The following SH3PXD2A variants were observed in gnomAD, a reference collection of about 807,000 sequenced individuals.
The protein encoded by SH3PXD2A is SH3 and PX domain-containing protein 2A.
SH3PXD2A carries 32 observed loss-of-function variants against 115.2 expected under a neutral mutation model. That is an observed-to-expected ratio of 0.28 (90% CI 0.21 to 0.37). SH3PXD2A has a LOEUF of 0.37. Ranked by LOEUF, SH3PXD2A falls within the 10% of genes least tolerant of loss-of-function variation. The probability of loss-of-function intolerance (pLI) is 1.00; values close to 1 mark genes in which losing one functional copy is unlikely to be tolerated. For synonymous variants in SH3PXD2A, 610 were observed against 629.1 expected (o/e 0.97, Z 0.45); for missense variants, 1,328 against 1,498.7 (o/e 0.89, Z 1.88).
intron 2 of SH3PXD2A, among the ~76,000 whole-genome samples, chr10:103,769,434 TTTC>T (rs71476606): frequency 6.6e-4 from 92 of 139,894 alleles, no homozygotes; most frequent in Non-Finnish European, 1.0e-3. Context: ...TTTCTTTTTC[TTTC>T]TTCTTCTTCT....
In SH3PXD2A at chr10:103,811,167, AG is replaced by A. The variant is rs1380640092; in HGVS notation, c.73-9806del. On this transcript the variant is annotated intron_variant, in intron 1 of 14. Coordinates refer to ENST00000369774, the MANE Select transcript of SH3PXD2A (RefSeq NM_001394015.1). Reference sequence around the variant, plus strand: ...TTTTTCTTTTCTTCATGTTTCCTGGAGGGGAAATGAGTGTATAAACTAGGAA... The same window carrying A: ...TTTTTCTTTTCTTCATGTTTCCTGGAGGGAAATGAGTGTATAAACTAGGAA... Among the ~76,000 whole-genome samples, 3 of 152,088 alleles carry A rather than the reference AG, an allele frequency of 2.0e-5. No homozygotes were observed. In the East Asian group the frequency reaches 5.8e-4, roughly 29 times the overall value.
chr10:103,743,923 AG>A (rs2038470941), intron 3 of SH3PXD2A, among the ~76,000 whole-genome samples: 1 of 152,204 alleles, frequency 6.6e-6, no homozygotes, highest in African/African-American at 2.4e-5. Context: ...ACTCAATAAC[AG>A]GGTCTCGCTA....
intron 13 of SH3PXD2A, among the ~76,000 whole-genome samples, chr10:103,607,282 G>A (rs2036331215): frequency 1.3e-5 from 2 of 151,764 alleles, no homozygotes; most frequent in South Asian, 2.1e-4. Context: ...TGAGAAGTGA[G>A]GAGCCCCTCC....
intron 8 of SH3PXD2A, among the ~76,000 whole-genome samples, chr10:103,659,829 T>C (rs376410026): frequency 1.3e-5 from 2 of 152,132 alleles, no homozygotes; most frequent in East Asian, 1.9e-4. Context: ...GGCAGGAGCC[T>C]GCACCCACCT....
At chr10:103,656,561 G>A (rs1377528608) in intron 8 of SH3PXD2A, among the ~76,000 whole-genome samples, 3 of 152,204 alleles carry the variant, frequency 2.0e-5, no homozygotes, top group Non-Finnish European at 4.4e-5. Context: ...TGGGCGCGGT[G>A]GCTCATGCCT....
At chr10:103,667,093 C>T (rs926876714) in intron 7 of SH3PXD2A, among the ~76,000 whole-genome samples, 1 of 152,158 alleles carries the variant, frequency 6.6e-6, no homozygotes, top group African/African-American at 2.4e-5. Context: ...TTTCCTGTCT[C>T]ATATCTCAAA....
At chr10:103,663,875 C>T (rs1022617098) in intron 7 of SH3PXD2A, among the ~76,000 whole-genome samples, 2 of 152,262 alleles carry the variant, frequency 1.3e-5, no homozygotes, top group African/African-American at 4.8e-5. Context: ...GGACCCTGCA[C>T]AGCTGAGTGT....
At chr10:103,717,120 A>C (rs2038114251) in intron 5 of SH3PXD2A, among the ~76,000 whole-genome samples, 1 of 152,220 alleles carries the variant, frequency 6.6e-6, no homozygotes, top group South Asian at 2.1e-4. Context: ...AGGGCCTTGC[A>C]ACTTGCCTGA....
At chr10:103,827,888 T>C (rs1221829472) in intron 1 of SH3PXD2A, among the ~76,000 whole-genome samples, 1 of 152,212 alleles carries the variant, frequency 6.6e-6, no homozygotes, top group Non-Finnish European at 1.5e-5. Flanking sequence ...AGCCACTGGT[T>C]CCTCAGCTGT....
chr10:103,746,623 T>C lies in SH3PXD2A; in HGVS notation c.230-10815A>G, dbSNP rs958061389. Among the ~76,000 whole-genome samples the C allele has an allele frequency of 2.0e-5, 3 of 152,204 alleles. No individual in the cohort carries two copies. Among genetic ancestry groups the C allele is most frequent in the African/African-American group, 7.2e-5 (3 of 41,458 alleles). ...TGCGCCTGGCCTCAGAATAATATTC[T>C]CAAACCATAACCCTTGCTTAACCCT... On this transcript the variant is annotated intron_variant, in intron 3 of 14. Transcript: ENST00000369774. This position sits in a 1 kb window ranked among gnomAD's most constrained non-coding sequence, Gnocchi z 4.4.
At chr10:103,719,705 C>CT (rs771190727) in intron 5 of SH3PXD2A, among the ~76,000 whole-genome samples, 2,732 of 136,420 alleles carry the variant, frequency 0.02, 43 homozygotes, top group Non-Finnish European at 0.031. Flanking sequence ...ATTTCTTTTT[C>CT]TTTTTTTTTT....
intron 1 of SH3PXD2A, among the ~76,000 whole-genome samples, chr10:103,802,520 G>A (rs1420832154): frequency 6.6e-6 from 1 of 152,192 alleles, no homozygotes; most frequent in African/African-American, 2.4e-5. Context: ...GAGAAGGAGA[G>A]AAAGCCCCCA....
intron 6 of SH3PXD2A, chr10:103,678,206 G>A (rs2037565050): frequency 8.0e-7 from 1 of 1,253,530 alleles, no homozygotes; most frequent in Non-Finnish European, 1.0e-6. Context: ...GGTGTTTGCT[G>A]GGAGCCCCTG....
At chr10:103,645,339 C>T (rs574656137) in intron 8 of SH3PXD2A, among the ~76,000 whole-genome samples, 2 of 152,312 alleles carry the variant, frequency 1.3e-5, no homozygotes, top group Admixed American at 6.5e-5. Context: ...GGTGACTCAG[C>T]CTCTGGGCAA....
intron 8 of SH3PXD2A, among the ~76,000 whole-genome samples, chr10:103,660,679 C>T (rs1170799245): frequency 6.6e-6 from 1 of 152,232 alleles, no homozygotes; most frequent in Non-Finnish European, 1.5e-5. Flanking sequence ...CCCTGCCCCA[C>T]GGGCCTCCGA....
intron 5 of SH3PXD2A, among the ~76,000 whole-genome samples, chr10:103,714,982 T>C (rs988283003): frequency 6.6e-6 from 1 of 152,124 alleles, no homozygotes; most frequent in African/African-American, 2.4e-5. Flanking sequence ...GCAGCCTCGC[T>C]CCACAGGCAG....
At chr10:103,729,677 G>T (rs1378237255) in intron 4 of SH3PXD2A, among the ~76,000 whole-genome samples, 1 of 152,226 alleles carries the variant, frequency 6.6e-6, no homozygotes, top group Non-Finnish European at 1.5e-5. Flanking sequence ...TAAACCAGGG[G>T]TCAGTGAGCT....
chr10:103,599,061 A>G lies in SH3PXD2A; in HGVS notation c.*2755T>C, dbSNP rs925173610. ...CACAATGTAAACATGACCACACAAT[A>G]AACTATAATGGCAGTGAGGAGGAGC... On this transcript the variant is annotated 3_prime_UTR_variant, in exon 15 of 15. Transcript: ENST00000369774. 1 of 152,446 alleles carries G rather than the reference A, an allele frequency of 6.6e-6. No individual in the cohort carries two copies. The highest frequency in any genetic ancestry group is 2.4e-5 in the African/African-American group (1 of 41,384). The allele number at this position is 152,446 out of a possible 1,614,324, so 9.4% of individuals were successfully genotyped here. A position where few individuals can be genotyped will look rare whatever the true frequency, so the allele number is the denominator to read the frequency against.
At chr10:103,711,429 A>G (rs914741172) in intron 5 of SH3PXD2A, among the ~76,000 whole-genome samples, 1 of 152,170 alleles carries the variant, frequency 6.6e-6, no homozygotes, top group Non-Finnish European at 1.5e-5. Context: ...TGAAGTTCAA[A>G]GTGAACACCC....
Sources: gnomAD v4.1 joint callset for allele counts (sites outside exome capture counted in the v4.1 genomes callset) on GRCh38, gnomAD v4.1.1 for gene constraint, Gnocchi (gnomAD v3.1) non-coding constraint, MANE v1.5 for transcripts, NCBI Gene and HGNC (gene_info 2026-07-23, HGNC 2026-07-21) for gene names.